Variants in OTUD7A observed in about 807,000 individuals in gnomAD.
The protein encoded by OTUD7A is OTU deubiquitinase 7A.
Under a neutral mutation model 65.7 loss-of-function variants are expected in OTUD7A, and 12 were observed. That is an observed-to-expected ratio of 0.18 (90% CI 0.12 to 0.30). The LOEUF (loss-of-function observed/expected upper bound fraction) is 0.30, where lower values mean the gene tolerates loss of function less well. OTUD7A is among the 10% of genes least tolerant of loss of function. The probability of loss-of-function intolerance (pLI) is 1.00; values close to 1 mark genes in which losing one functional copy is unlikely to be tolerated. For synonymous variants in OTUD7A, 641 were observed against 586.3 expected, an observed-to-expected ratio of 1.09 and a Z score of -1.35; for missense variants, 1,148 against 1,304.8, an observed-to-expected ratio of 0.88 and a Z score of 1.85.
chr15:31,543,018 T>C (rs1362994067), intron 5 of OTUD7A, among the ~76,000 whole-genome samples: 1 of 151,868 alleles, frequency 6.6e-6, no homozygotes, highest in Non-Finnish European at 1.5e-5. Context: ...AGATCTGACA[T>C]GCAAGAAGAA....
At chr15:31,735,298 G>T (rs1243451706) in intron 1 of OTUD7A, among the ~76,000 whole-genome samples, 5 of 152,126 alleles carry the variant, frequency 3.3e-5, no homozygotes, top group African/African-American at 1.2e-4. Flanking sequence ...CCAAGGCGGG[G>T]GTGGATCACC....
At chr15:31,544,281 A>G (rs1366166374) in intron 5 of OTUD7A, among the ~76,000 whole-genome samples, 1 of 151,870 alleles carries the variant, frequency 6.6e-6, no homozygotes, top group Non-Finnish European at 1.5e-5. Flanking sequence ...GCAAGAGTTA[A>G]AAAGAAAGGC....
At chr15:31,809,300 T>C (rs1896360612) in intron 1 of OTUD7A, among the ~76,000 whole-genome samples, 2 of 152,224 alleles carry the variant, frequency 1.3e-5, no homozygotes, top group Non-Finnish European at 2.9e-5. Context: ...GGGAGATACA[T>C]GACCATCCTT....
At chr15:31,855,913 T>C (rs1897559714) in intron 1 of OTUD7A, among the ~76,000 whole-genome samples, 1 of 152,220 alleles carries the variant, frequency 6.6e-6, no homozygotes, top group Admixed American at 6.5e-5. Flanking sequence ...CTCTTGTTCC[T>C]GGGCACTCAG....
intron 1 of OTUD7A, among the ~76,000 whole-genome samples, chr15:31,863,642 G>A (rs779444392): frequency 5.3e-5 from 8 of 152,154 alleles, no homozygotes; most frequent in African/African-American, 9.7e-5. Flanking sequence ...CACACAGCTC[G>A]GGGACCCTGG....
At chr15:31,669,495 T>C (rs1892423124) in intron 1 of OTUD7A, among the ~76,000 whole-genome samples, 1 of 152,214 alleles carries the variant, frequency 6.6e-6, no homozygotes, top group African/African-American at 2.4e-5. Context: ...CTTCTCCCAC[T>C]GTGCCTCCCC....
intron 1 of OTUD7A, among the ~76,000 whole-genome samples, chr15:31,663,725 T>G (rs1042353531): frequency 6.6e-6 from 1 of 152,128 alleles, no homozygotes; most frequent in Non-Finnish European, 1.5e-5. Flanking sequence ...TTTGGTTACA[T>G]GAGTAAGTTC....
chr15:31,772,984 A>G (rs1007865417), intron 1 of OTUD7A, among the ~76,000 whole-genome samples: 1 of 152,180 alleles, frequency 6.6e-6, no homozygotes, highest in African/African-American at 2.4e-5. Flanking sequence ...TTCAATTTTT[A>G]GCTGATTTTA....
intron 1 of OTUD7A, among the ~76,000 whole-genome samples, chr15:31,761,716 A>G (rs1031955208): frequency 2.6e-5 from 4 of 152,220 alleles, no homozygotes; most frequent in East Asian, 1.9e-4. Context: ...ATGAATTGTC[A>G]TAACAGCATT....
At chr15:31,750,179 G>A (rs1057432453) in intron 1 of OTUD7A, among the ~76,000 whole-genome samples, 10 of 152,002 alleles carry the variant, frequency 6.6e-5, no homozygotes, top group South Asian at 2.1e-4. Flanking sequence ...AGGCTGAGGC[G>A]GGTGGATCAC....
intron 3 of OTUD7A, among the ~76,000 whole-genome samples, chr15:31,614,561 A>C (rs1307803051): frequency 6.6e-6 from 1 of 152,204 alleles, no homozygotes; most frequent in Non-Finnish European, 1.5e-5. Context: ...AAAAATAAGT[A>C]AATACATACA....
chr15:31,646,928 G>A (rs1293210609), intron 3 of OTUD7A, among the ~76,000 whole-genome samples: 2 of 152,128 alleles, frequency 1.3e-5, no homozygotes, highest in Non-Finnish European at 2.9e-5. Context: ...GTCTTAATGG[G>A]TCTGTTTAAG....
In OTUD7A at chr15:31,654,625, T is replaced by C. The variant is rs8030252; in HGVS notation, c.151+471A>G. ...AAATCCATTTTAGAGACATAGAAAC[T>C]ACACTTTCATTTTAGTTCACTATGG... On this transcript the variant is annotated intron_variant, in intron 3 of 12. Transcript: ENST00000307050. Among the ~76,000 whole-genome samples, 939 of 152,220 alleles carry C rather than the reference T, an allele frequency of 6.2e-3. 12 individuals carry two copies. The highest frequency in any genetic ancestry group is 0.022 in the African/African-American group (904 of 41,526).
chr15:31,478,749 A>G lies in OTUD7A; in HGVS notation c.*4545T>C, dbSNP rs1465032815. 6.6e-6 allele frequency: 1 copy of G among 152,214 alleles called. No individual in the cohort carries two copies. Among genetic ancestry groups the G allele is most frequent in the East Asian group, 1.9e-4 (1 of 5,192 alleles). 9.4% of individuals were successfully genotyped at this position (152,214 alleles called of 1,614,324 possible). A position where few individuals can be genotyped will look rare whatever the true frequency, so the allele number is the denominator to read the frequency against. ...GACCTGCATAACTGCTAACAGGCCAATTTGCACAGTGCCCGGAGCTGTCTT... is the reference window on the plus strand; with the variant it reads ...GACCTGCATAACTGCTAACAGGCCAGTTTGCACAGTGCCCGGAGCTGTCTT... On this transcript the variant is annotated 3_prime_UTR_variant, in exon 13 of 13. Transcript: ENST00000307050.
intron 3 of OTUD7A, among the ~76,000 whole-genome samples, chr15:31,606,737 C>T (rs1890249915): frequency 6.6e-6 from 1 of 152,170 alleles, no homozygotes; most frequent in Non-Finnish European, 1.5e-5. Flanking sequence ...CAGATACCCT[C>T]TAGGCATTAA....
At chr15:31,750,995 C>T (rs1342187550) in intron 1 of OTUD7A, among the ~76,000 whole-genome samples, 1 of 152,042 alleles carries the variant, frequency 6.6e-6, no homozygotes, top group Non-Finnish European at 1.5e-5. Flanking sequence ...CTAGAAAATA[C>T]CCTTCTGGAC....
intron 3 of OTUD7A, among the ~76,000 whole-genome samples, chr15:31,618,809 G>C (rs1299290857): frequency 2.6e-5 from 4 of 152,128 alleles, no homozygotes; most frequent in Admixed American, 6.5e-5. Context: ...GTTGGCTTTT[G>C]TTGCCATTGC....
intron 3 of OTUD7A, among the ~76,000 whole-genome samples, chr15:31,651,720 T>C (rs184343163): frequency 1.4e-3 from 212 of 152,098 alleles, no homozygotes; most frequent in African/African-American, 4.9e-3. Flanking sequence ...AATGAACAAG[T>C]AGAAACTGAA....
At chr15:31,767,301 G>T (rs1895116371) in intron 1 of OTUD7A, 2 of 812,266 alleles carry the variant, frequency 2.5e-6, no homozygotes, top group Non-Finnish European at 4.3e-6. Context: ...CAAAAATGAA[G>T]ATGCAACCAA....
Sources: allele counts gnomAD v4.1 joint callset (sites outside exome capture counted in the v4.1 genomes callset), GRCh38; gene constraint gnomAD v4.1.1; transcripts MANE v1.5; gene names NCBI Gene and HGNC (gene_info 2026-07-23, HGNC 2026-07-21).